Variants in RBFOX1 observed in about 807,000 individuals in gnomAD.
The protein encoded by RBFOX1 is RNA binding protein fox-1 homolog 1.
In RBFOX1, 8 loss-of-function variants were observed where a neutral mutation model predicts 57.7. The ratio of observed to expected loss-of-function variants is 0.14; its 90% confidence interval spans 0.08 to 0.25. The LOEUF (loss-of-function observed/expected upper bound fraction) is 0.25. Ranked by LOEUF, RBFOX1 falls within the 10% of genes least tolerant of loss-of-function variation. The probability of loss-of-function intolerance (pLI) is 1.00; values close to 1 mark genes in which losing one functional copy is unlikely to be tolerated. For synonymous variants in RBFOX1, 326 were observed against 222.4 expected (o/e 1.47, Z -4.15); for missense variants, 611 against 548.5 (o/e 1.11, Z -1.14).
Position 6,599,854 on chromosome 16 carries a change from C to G in RBFOX1, c.-63-54749C>G, listed in dbSNP as rs112690896. The stretch of plus-strand genomic sequence containing the variant: ...TAGAGAGCTGTGAGCATTACATGAG[C>G]TAACACTTGTTAGGCAACTAGAACA... On this transcript the variant is annotated intron_variant, in intron 2 of 15. Transcript: ENST00000550418. 6.4e-3 allele frequency among the ~76,000 whole-genome samples: 969 copies of G among 152,294 alleles called. 11 individuals carry two copies. Among genetic ancestry groups the G allele is most frequent in the African/African-American group, 0.022 (929 of 41,562 alleles).
intron 3 of RBFOX1, among the ~76,000 whole-genome samples, chr16:7,047,716 C>CTTTTTTTTTTTTTTTTTTTTTTTTTTTTT (rs55636828): frequency 6.3e-5 from 3 of 47,938 alleles, no homozygotes; most frequent in East Asian, 4.1e-4. Flanking sequence ...TCCTGCATTT[C>CTTTTTTTTTTTTTTTTTTTTTTTTTTTTT]TTTTTTTTTT....
intron 2 of RBFOX1, among the ~76,000 whole-genome samples, chr16:5,538,140 A>C (rs958376283): frequency 1.3e-5 from 2 of 152,206 alleles, no homozygotes; most frequent in African/African-American, 4.8e-5. Context: ...GACATCGGTA[A>C]CTAGAAGGTC....
chr16:6,774,702 G>C (rs1277389615), intron 3 of RBFOX1, among the ~76,000 whole-genome samples: 1 of 151,854 alleles, frequency 6.6e-6, no homozygotes, highest in African/African-American at 2.4e-5. Flanking sequence ...AAAACGATTA[G>C]TATTATAATT....
chr16:6,918,162 G>A lies in RBFOX1; in HGVS notation c.-15-133895G>A, dbSNP rs529144026. 1.2e-4 allele frequency among the ~76,000 whole-genome samples: 19 copies of A among 152,016 alleles called. 1 individual carries two copies. In the East Asian group the frequency reaches 3.7e-3, roughly 30 times the overall value. On this transcript the variant is annotated intron_variant, in intron 3 of 15. Coordinates refer to ENST00000550418, the MANE Select transcript of RBFOX1 (RefSeq NM_018723.4). ...AATTAGCTGGGTATGCTAGCCTGTA[G>A]TCCCAGCTACTAGAGAAGCTGAGGC...
chr16:7,066,839 C>T (rs1046048818), intron 4 of RBFOX1, among the ~76,000 whole-genome samples: 2 of 152,174 alleles, frequency 1.3e-5, no homozygotes, highest in East Asian at 1.9e-4. Flanking sequence ...TCTGTCTTCC[C>T]AGCCAGTGAG....
intron 3 of RBFOX1, among the ~76,000 whole-genome samples, chr16:5,793,491 C>T (rs2054772999): frequency 6.6e-6 from 1 of 152,216 alleles, no homozygotes. Flanking sequence ...GCTGATGTGG[C>T]ACTGGCCAGA....
intron 4 of RBFOX1, among the ~76,000 whole-genome samples, chr16:7,058,622 G>A (rs1308891747): frequency 2.6e-5 from 4 of 151,720 alleles, no homozygotes; most frequent in Non-Finnish European, 5.9e-5. Context: ...TTGTATTTTT[G>A]CATGCAAAAA....
chr16:5,789,420 T>C lies in RBFOX1; in HGVS notation c.319-77883T>C, dbSNP rs57128462. ...GGAGGTCTACAAGCCCGCATATTTG[T>C]GTATATTTATATGAGTGTGTGTGTA... On this transcript the variant is annotated intron_variant, in intron 3 of 19. Coordinates refer to the RBFOX1 transcript ENST00000641259. Among the ~76,000 whole-genome samples, 672 of 152,172 alleles carry C rather than the reference T, an allele frequency of 4.4e-3. 6 individuals are homozygous for C. The highest frequency in any genetic ancestry group is 0.015 in the African/African-American group (616 of 41,508).
chr16:7,485,427 A>T (rs776884180), intron 4 of RBFOX1, among the ~76,000 whole-genome samples: 18 of 152,220 alleles, frequency 1.2e-4, no homozygotes, highest in Admixed American at 6.5e-5. Flanking sequence ...ATAGATTAAC[A>T]CGCTCAATAG....
chr16:6,293,336 C>A (rs1222511163), intron 1 of RBFOX1, among the ~76,000 whole-genome samples: 1 of 152,224 alleles, frequency 6.6e-6, no homozygotes, highest in African/African-American at 2.4e-5. Flanking sequence ...TCAATACTTA[C>A]ATCTGCCATG....
At chr16:7,136,527 C>A (rs548868986) in intron 4 of RBFOX1, among the ~76,000 whole-genome samples, 1 of 151,486 alleles carries the variant, frequency 6.6e-6, no homozygotes, top group African/African-American at 2.4e-5. Context: ...TAACCTCATC[C>A]GCTCGAGTAG....
chr16:6,538,012 C>T (rs1476982), intron 2 of RBFOX1, among the ~76,000 whole-genome samples: 68,015 of 151,280 alleles, frequency 0.45, 15,875 homozygotes, highest in Non-Finnish European at 0.52. Flanking sequence ...TTTCTACTTT[C>T]AAACTTTTTT....
chr16:5,989,166 A>C (rs1341792772), intron 4 of RBFOX1, among the ~76,000 whole-genome samples: 1 of 151,644 alleles, frequency 6.6e-6, no homozygotes, highest in African/African-American at 2.4e-5. Context: ...TAAAAAAAAA[A>C]AAAAAATACA....
chr16:6,825,905 C>A (rs74009307), intron 3 of RBFOX1, among the ~76,000 whole-genome samples: 1 of 152,294 alleles, frequency 6.6e-6, no homozygotes, highest in African/African-American at 2.4e-5. Context: ...CTTTAGGAAT[C>A]GTGTGACTTT....
chr16:7,163,606 A>C (rs949231004), intron 4 of RBFOX1, among the ~76,000 whole-genome samples: 2 of 151,850 alleles, frequency 1.3e-5, no homozygotes, highest in Non-Finnish European at 2.9e-5. Context: ...GAGCAGAATA[A>C]GCTGAGGACT....
chr16:7,055,814 A>C (rs2052002511), intron 4 of RBFOX1, among the ~76,000 whole-genome samples: 1 of 152,152 alleles, frequency 6.6e-6, no homozygotes, highest in Non-Finnish European at 1.5e-5. Context: ...CTACAAAAGG[A>C]ATTCACAGGG....
intron 1 of RBFOX1, among the ~76,000 whole-genome samples, chr16:6,192,373 G>A (rs771740331): frequency 6.6e-6 from 1 of 152,082 alleles, no homozygotes; most frequent in Non-Finnish European, 1.5e-5. Context: ...CGGCAGATAA[G>A]ATGAATAATG....
intron 4 of RBFOX1, among the ~76,000 whole-genome samples, chr16:5,992,271 A>C (rs892404845): frequency 2.6e-5 from 4 of 152,210 alleles, no homozygotes; most frequent in African/African-American, 9.6e-5. Flanking sequence ...TCAGAATGAT[A>C]CAGCTGCAGT....
chr16:5,978,193 A>C (rs1187448940), intron 4 of RBFOX1, among the ~76,000 whole-genome samples: 1 of 137,820 alleles, frequency 7.3e-6, no homozygotes, highest in Non-Finnish European at 1.5e-5. Context: ...GCATTCCTGT[A>C]TTCCCAAATA....
Sources: allele counts gnomAD v4.1 joint callset (sites outside exome capture counted in the v4.1 genomes callset), GRCh38; gene constraint gnomAD v4.1.1; transcripts MANE v1.5; gene names NCBI Gene and HGNC (gene_info 2026-07-23, HGNC 2026-07-21).